The following KLHDC10 variants were observed in gnomAD, a reference collection of about 807,000 sequenced individuals.
KLHDC10 encodes the protein kelch domain-containing protein 10.
A neutral mutation model predicts 56.1 loss-of-function variants in KLHDC10; 24 were observed. The ratio of observed to expected loss-of-function variants is 0.43; its 90% CI spans 0.31 to 0.60. The LOEUF is 0.60. Ranked by LOEUF, KLHDC10 falls within the 20% of genes least tolerant of loss-of-function variation. The probability of loss-of-function intolerance (pLI) is 0.11; values close to 1 mark genes in which losing one functional copy is unlikely to be tolerated. For synonymous variants in KLHDC10, 188 were observed against 207.1 expected, an observed-to-expected ratio of 0.91 and a Z score of 0.79; for missense variants, 349 against 567.0, an observed-to-expected ratio of 0.62 and a Z score of 3.91.
chr7:130,126,117 A>G (rs563391206), intron 7 of KLHDC10, among the ~76,000 whole-genome samples, 186 bp downstream of exon 7: 1 of 152,176 alleles, frequency 6.6e-6, no homozygotes, highest in South Asian at 2.1e-4. Context: ...GGAGTTTGAG[A>G]CCAGCCCAAG....
intron 1 of KLHDC10, among the ~76,000 whole-genome samples, chr7:130,074,215 A>G (rs1479267729): frequency 1.3e-5 from 2 of 152,140 alleles, no homozygotes; most frequent in Non-Finnish European, 2.9e-5. Flanking sequence ...CCGTCATCCA[A>G]GAACCTTCTT....
intron 6 of KLHDC10, 145 bp from the exon 7 acceptor site, chr7:130,125,720 G>GA: frequency 1.6e-6 from 1 of 634,546 alleles, no homozygotes; most frequent in East Asian, 3.1e-5. Context: ...TTTCTGTATG[G>GA]AAAATCACTG....
intron 1 of KLHDC10, among the ~76,000 whole-genome samples, chr7:130,088,950 G>A (rs555632487): frequency 3.2e-4 from 49 of 152,094 alleles, no homozygotes; most frequent in African/African-American, 1.2e-3. Context: ...ATTTTTCTAA[G>A]TGAAGTTTTA....
At chr7:130,088,790 C>T (rs868698442) in intron 1 of KLHDC10, among the ~76,000 whole-genome samples, 16 of 150,986 alleles carry the variant, frequency 1.1e-4, no homozygotes, top group African/African-American at 3.9e-4. Flanking sequence ...TTACAGGGAC[C>T]CGCCACCACA....
chr7:130,094,257 G>A (rs893784409), intron 1 of KLHDC10, among the ~76,000 whole-genome samples: 9 of 152,012 alleles, frequency 5.9e-5, no homozygotes, highest in African/African-American at 1.9e-4. Context: ...TATTCCCTCA[G>A]TGTTACTCCA....
chr7:130,085,210 G>A (rs1014991786), intron 1 of KLHDC10, among the ~76,000 whole-genome samples: 2 of 150,730 alleles, frequency 1.3e-5, no homozygotes, highest in African/African-American at 4.9e-5. Flanking sequence ...GCGGGTGCCT[G>A]TAATTCCAGC....
chr7:130,104,679 GA>G (rs1383928569), intron 2 of KLHDC10, among the ~76,000 whole-genome samples: 2 of 152,298 alleles, frequency 1.3e-5, no homozygotes, highest in Middle Eastern at 3.4e-3. Flanking sequence ...AGAGGCCTCA[GA>G]AAGCTTTTAC....
intron 1 of KLHDC10, among the ~76,000 whole-genome samples, chr7:130,081,984 C>T (rs1192118974): frequency 6.6e-6 from 1 of 152,088 alleles, no homozygotes; most frequent in Admixed American, 6.6e-5. Flanking sequence ...CTACCACAGC[C>T]ACTATATAAA....
chr7:130,082,972 A>G lies in KLHDC10; in HGVS notation c.166+12163A>G, dbSNP rs138112510. Among the ~76,000 whole-genome samples the G allele has an allele frequency of 6.2e-3, 943 of 152,204 alleles. 4 individuals carry two copies. The highest frequency in any genetic ancestry group is 0.024 in the Middle Eastern group (7 of 294). On this transcript the variant is annotated intron_variant, in intron 1 of 9. Coordinates refer to ENST00000335420, the MANE Select transcript of KLHDC10 (RefSeq NM_014997.4). ...ATCTGCCACTTAATATTGGTATCCAAGAGTATTTCTTTTGTTTGTTTCCCC... is the reference window on the plus strand; with the variant it reads ...ATCTGCCACTTAATATTGGTATCCAGGAGTATTTCTTTTGTTTGTTTCCCC...
At chr7:130,080,346 T>A (rs1795586453) in intron 1 of KLHDC10, among the ~76,000 whole-genome samples, 3 of 152,146 alleles carry the variant, frequency 2.0e-5, no homozygotes, top group African/African-American at 7.2e-5. Context: ...TCCTCTTTTT[T>A]AGGGGGTAGA....
chr7:130,117,819 C>A (rs1355733284), intron 3 of KLHDC10, among the ~76,000 whole-genome samples: 1 of 133,708 alleles, frequency 7.5e-6, no homozygotes, highest in African/African-American at 2.9e-5. Flanking sequence ...CACTGCATTC[C>A]AGCCTGGGTG....
chr7:130,085,302 C>T (rs1795671223), intron 1 of KLHDC10, among the ~76,000 whole-genome samples: 1 of 146,630 alleles, frequency 6.8e-6, no homozygotes, highest in Non-Finnish European at 1.5e-5. Context: ...CACTGCACTC[C>T]AGCTTGGAGG....
At chr7:130,088,923 G>A (rs534001340) in intron 1 of KLHDC10, among the ~76,000 whole-genome samples, 1 of 152,008 alleles carries the variant, frequency 6.6e-6, no homozygotes, top group African/African-American at 2.4e-5. Context: ...CTGAGCCATC[G>A]CCCCTGGCCT....
chr7:130,113,811 T>C (rs143433388), intron 2 of KLHDC10, among the ~76,000 whole-genome samples: 2 of 152,332 alleles, frequency 1.3e-5, no homozygotes, highest in Non-Finnish European at 2.9e-5. Context: ...CTGCATTTCT[T>C]TTCATATTTG....
chr7:130,087,918 G>A (rs966468639), intron 1 of KLHDC10, among the ~76,000 whole-genome samples: 2 of 151,536 alleles, frequency 1.3e-5, no homozygotes, highest in Non-Finnish European at 2.9e-5. Context: ...TCGCCACCAC[G>A]CCTGGCTAAT....
At chr7:130,096,212 C>A (rs577405531) in intron 1 of KLHDC10, among the ~76,000 whole-genome samples, 1 of 151,996 alleles carries the variant, frequency 6.6e-6, no homozygotes, top group Non-Finnish European at 1.5e-5. Context: ...TATTTGGGAG[C>A]GATCAAAACT....
chr7:130,130,995 C>G lies in KLHDC10; in HGVS notation c.*249C>G. The stretch of plus-strand genomic sequence containing the variant: ...CACATGTACTCACATACTCCCTCTT[C>G]CTTCTCGATGGAGTTAAGGGAAAGC... On this transcript the variant is annotated 3_prime_UTR_variant, in exon 10 of 10. Coordinates refer to ENST00000335420, the MANE Select transcript of KLHDC10 (RefSeq NM_014997.4). This position sits in a 1 kb window ranked among gnomAD's most constrained non-coding sequence, Gnocchi z 4.2. The G allele has an allele frequency of 4.6e-6, 2 of 435,754 alleles. No individual in the cohort carries two copies. Among genetic ancestry groups the G allele is most frequent in the South Asian group, 3.4e-5 (1 of 29,102 alleles). The allele number at this position is 435,754 out of a possible 1,614,324, so 27.0% of individuals were successfully genotyped here. A position where few individuals can be genotyped will look rare whatever the true frequency, so the allele number is the denominator to read the frequency against.
At chr7:130,117,849 C>CAAAAAAAAAAA (rs60800057) in intron 3 of KLHDC10, among the ~76,000 whole-genome samples, 1 of 73,196 alleles carries the variant, frequency 1.4e-5, no homozygotes, top group Non-Finnish European at 2.6e-5. Context: ...GACCCTGTCT[C>CAAAAAAAAAAA]AAAAAAAAAA....
At chr7:130,129,649 G>T in intron 9 of KLHDC10, 73 bp downstream of exon 9, 1 of 1,448,470 alleles carries the variant, frequency 6.9e-7, no homozygotes. Context: ...ATATTAGCAA[G>T]AAAAAAAGCC....
Sources: gnomAD v4.1 joint callset for allele counts (sites outside exome capture counted in the v4.1 genomes callset) on GRCh38, gnomAD v4.1.1 for gene constraint, Gnocchi (gnomAD v3.1) non-coding constraint, MANE v1.5 for transcripts, NCBI Gene and HGNC (gene_info 2026-07-23, HGNC 2026-07-21) for gene names.